The following FGD1 variants were observed in gnomAD, a reference collection of about 807,000 sequenced individuals.
The protein encoded by FGD1 is FYVE, RhoGEF and PH domain-containing protein 1.
Under a neutral mutation model 65.0 loss-of-function variants are expected in FGD1, and 12 were observed. That is an observed-to-expected ratio of 0.18 (90% CI 0.12 to 0.30). FGD1 has a LOEUF of 0.30. Ranked by LOEUF, FGD1 falls within the 10% of genes least tolerant of loss-of-function variation. FGD1 has a pLI of 1.00. For synonymous variants in FGD1, 333 were observed against 343.9 expected (o/e 0.97, Z 0.35); for missense variants, 542 against 837.6 (o/e 0.65, Z 4.36).
At chrX:54,462,211 A>G (rs1371136766) in intron 8 of FGD1, among the ~76,000 whole-genome samples, 1 of 110,904 alleles carries the variant, frequency 9.0e-6, no homozygotes, top group Non-Finnish European at 1.9e-5. Context: ...AGCAGGAGGA[A>G]TGAGGTACTT....
In FGD1 at chrX:54,449,726, G is replaced by A. The variant is rs779226954; in HGVS notation, c.2081C>T (p.Thr694Met). The change falls in exon 14 of 18, where the codon ACG becomes ATG. Residue 694 changes from threonine (T) to methionine (M), a missense_variant. Transcript: ENST00000375135. The part of the protein sequence containing the change: ...INSTLLKHEQ[T>M]LETFKLLNST... ...GTTCAACAGTTTGAAAGTCTCCAGCGTCTGTTCATGCTTCAGGAGGGTGGA... is the reference window on the plus strand; with the variant it reads ...GTTCAACAGTTTGAAAGTCTCCAGCATCTGTTCATGCTTCAGGAGGGTGGA... 1.7e-6 allele frequency: 2 copies of A among 1,207,841 alleles called. No individual in the cohort carries two copies. Among genetic ancestry groups the A allele is most frequent in the Non-Finnish European group, 2.2e-6 (2 of 892,288 alleles).
intron 17 of FGD1, 111 bp from the exon 18 acceptor site, chrX:54,446,525 TC>T (rs1254216060): frequency 1.7e-5 from 12 of 710,764 alleles, no homozygotes; most frequent in Non-Finnish European, 2.3e-5. Flanking sequence ...ACTCAGGAAC[TC>T]CCCTACTCAG....
intron 16 of FGD1, 76 bp from the exon 17 acceptor site, chrX:54,447,530 G>T: frequency 9.7e-7 from 1 of 1,025,749 alleles, no homozygotes; most frequent in East Asian, 3.2e-5. Context: ...TACCTCCTCA[G>T]TGTAGGGACT....
rs763625457 is a variant in FGD1, at chrX:54,488,517, G to A, written c.307+6609C>T. Among the ~76,000 whole-genome samples the A allele has an allele frequency of 1.7e-4, 19 of 109,507 alleles. No individual in the cohort carries two copies. The South Asian group carries it at 5.0e-3, about 29-fold the overall frequency. ...GGAGAATTGCTTGAACCCGGGAGGC[G>A]GAGCTTGCAGTGAGCCAAGATCACG... On this transcript the variant is annotated intron_variant, in intron 1 of 17. Transcript: ENST00000375135.
intron 1 of FGD1, among the ~76,000 whole-genome samples, chrX:54,472,255 A>G (rs1467222980): frequency 9.3e-6 from 1 of 107,500 alleles, no homozygotes; most frequent in Non-Finnish European, 1.9e-5. Flanking sequence ...TCCAGCCTGG[A>G]CAAAAGAGCA....
At chrX:54,462,629 T>A (rs1277679719) in intron 8 of FGD1, among the ~76,000 whole-genome samples, 1 of 107,548 alleles carries the variant, frequency 9.3e-6, no homozygotes, top group Non-Finnish European at 1.9e-5. Flanking sequence ...AGACCTCAGG[T>A]GATCTGCCCG....
intron 13 of FGD1, among the ~76,000 whole-genome samples, chrX:54,450,057 G>C (rs1922342007): frequency 9.0e-6 from 1 of 111,553 alleles, no homozygotes; most frequent in African/African-American, 3.3e-5. Flanking sequence ...TACACCCTCA[G>C]AGAAACCAGC....
At chrX:54,482,228 A>G (rs1370280460) in intron 1 of FGD1, among the ~76,000 whole-genome samples, 2 of 92,525 alleles carry the variant, frequency 2.2e-5, no homozygotes, top group East Asian at 7.3e-4. Context: ...ATGCGCGCGC[A>G]CACGCGCGCA....
rs1269928112 is a variant in FGD1 at position 54,470,771 on chromosome X, G to A, written c.482-11C>T. The A allele has an allele frequency of 1.1e-5, 11 of 1,022,952 alleles. No individual in the cohort carries two copies. In the African/African-American group the frequency reaches 1.5e-4, roughly 14 times the overall value. The allele number at this position is 1,022,952 out of a possible 1,213,427, so 84.3% of individuals were successfully genotyped here. A position where few individuals can be genotyped will look rare whatever the true frequency, so the allele number is the denominator to read the frequency against. On this transcript the variant is annotated splice_polypyrimidine_tract_variant and intron_variant, in intron 2 of 17. Coordinates refer to ENST00000375135, the MANE Select transcript of FGD1 (RefSeq NM_004463.3). Reference sequence around the variant, plus strand: ...TGGGCTTTGGGGGCACTGGAGAGACGAATGGGGAAGAGAGAAGGGAGACAT... The same window carrying A: ...TGGGCTTTGGGGGCACTGGAGAGACAAATGGGGAAGAGAGAAGGGAGACAT...
chrX:54,491,584 T>C (rs1261436758), intron 1 of FGD1, among the ~76,000 whole-genome samples: 1 of 111,948 alleles, frequency 8.9e-6, no homozygotes, highest in Non-Finnish European at 1.9e-5. Flanking sequence ...AAAAAATCAC[T>C]ACCTCTCTGA....
chrX:54,494,648 G>A (rs1167743788), intron 1 of FGD1, among the ~76,000 whole-genome samples: 1 of 109,818 alleles, frequency 9.1e-6, no homozygotes, highest in African/African-American at 3.3e-5. Context: ...CTACAAAATG[G>A]GACTAATGGT....
At chrX:54,478,801 C>T (rs1601958318) in intron 1 of FGD1, among the ~76,000 whole-genome samples, 2 of 104,564 alleles carry the variant, frequency 1.9e-5, no homozygotes, top group East Asian at 6.5e-4. Flanking sequence ...CACATAAATA[C>T]ATAAGCCCAC....
rs760250901 is a variant in FGD1, at chrX:54,446,184, C to T, written c.2811G>A (p.Met937Ile). The change falls in exon 18 of 18, where the codon ATG becomes ATA. Residue 937 changes from methionine to isoleucine, a missense_variant. This residue lies in a region of FGD1 where 182 missense variants were observed against 311.4 expected (regional missense o/e 0.58). Transcript: ENST00000375135. ...PGPTLSEDREMEEAPVAALGA... is the reference protein window; with the variant it reads ...PGPTLSEDREIEEAPVAALGA... ...CTAAAGCAGCCACCGGTGCCTCCTCCATCTCCCTGTCCTCAGACAGTGTGG... is the reference window on the plus strand; with the variant it reads ...CTAAAGCAGCCACCGGTGCCTCCTCTATCTCCCTGTCCTCAGACAGTGTGG... The T allele has an allele frequency of 8.3e-7, 1 of 1,211,445 alleles. No individual in the cohort carries two copies. Among genetic ancestry groups the T allele is most frequent in the Non-Finnish European group, 1.1e-6 (1 of 895,261 alleles).
intron 1 of FGD1, among the ~76,000 whole-genome samples, chrX:54,493,102 T>C (rs771434462): frequency 2.2e-4 from 24 of 111,117 alleles, no homozygotes; most frequent in Non-Finnish European, 4.1e-4. Context: ...TCACCTTGTA[T>C]TGATTACAGA....
At position 54,470,000 on chromosome X, in the gene FGD1, G is replaced by C; in HGVS notation, c.1101+16C>G. On this transcript the variant is annotated intron_variant, in intron 4 of 17. Transcript: ENST00000375135. ...TCTCCACATGGACCTGCCTCTCGGT[G>C]AACACAGGTCAGTACCTCCACAGAC... The C allele has an allele frequency of 8.3e-7, 1 of 1,202,592 alleles. No individual in the cohort carries two copies. The highest frequency in any genetic ancestry group is 1.1e-6 in the Non-Finnish European group (1 of 887,607).
rs922330502 is a variant in FGD1, at chrX:54,486,714, C to T, written c.307+8412G>A. Reference sequence around the variant, plus strand: ...TTTTTAAGACACAGTCTTGGCCTGGCATGGTGGCTCATGCTTGTAATCTCA... The same window carrying T: ...TTTTTAAGACACAGTCTTGGCCTGGTATGGTGGCTCATGCTTGTAATCTCA... On this transcript the variant is annotated intron_variant, in intron 1 of 17. Transcript: ENST00000375135. Among the ~76,000 whole-genome samples, 3 of 104,663 alleles carry T rather than the reference C, an allele frequency of 2.9e-5. No homozygotes were observed. In the Admixed American group the frequency reaches 3.1e-4, roughly 11 times the overall value. The allele number at this position is 104,663 out of a possible 115,157, so 90.9% of individuals were successfully genotyped here.
intron 9 of FGD1, 58 bp downstream of exon 9, chrX:54,456,451 G>GA: frequency 8.3e-7 from 1 of 1,206,045 alleles, no homozygotes; most frequent in Non-Finnish European, 1.1e-6. Context: ...CCCACTCCAG[G>GA]ATGGAGACAC....
intron 17 of FGD1, 132 bp from the exon 18 acceptor site, chrX:54,446,546 G>A (rs1036161792): frequency 5.3e-6 from 3 of 561,736 alleles, no homozygotes; most frequent in Non-Finnish European, 8.5e-6. Context: ...GGAACCTTCC[G>A]TGGCTCCAGT....
chrX:54,468,054 G>C, intron 5 of FGD1, 122 bp from the exon 6 acceptor site: 1 of 614,912 alleles, frequency 1.6e-6, no homozygotes, highest in Non-Finnish European at 2.6e-6. Context: ...TTGAGACTGA[G>C]GAGACAGGGA....
Sources: allele counts gnomAD v4.1 joint callset (sites outside exome capture counted in the v4.1 genomes callset), GRCh38; gene constraint gnomAD v4.1.1; regional missense constraint gnomAD v4.1.1; transcripts MANE v1.5; gene names NCBI Gene and HGNC (gene_info 2026-07-23, HGNC 2026-07-21).